The following MITF variants were observed in gnomAD, a reference collection of about 807,000 sequenced individuals.
MITF encodes the protein melanocyte inducing transcription factor.
MITF carries 17 observed loss-of-function variants against 60.5 expected under a neutral mutation model. The ratio of observed to expected loss-of-function variants is 0.28; its 90% confidence interval spans 0.19 to 0.42. The LOEUF is 0.42. Ranked by LOEUF, MITF falls within the 10% of genes least tolerant of loss-of-function variation. The probability of loss-of-function intolerance (pLI) is 1.00; values close to 1 mark genes in which losing one functional copy is unlikely to be tolerated. For missense variants in MITF, 622 were observed against 683.5 expected (o/e 0.91, Z 1.00); for synonymous variants, 260 against 248.5 (o/e 1.05, Z -0.43).
intron 2 of MITF, among the ~76,000 whole-genome samples, chr3:69,893,728 C>T (rs1037577152): frequency 2.6e-5 from 4 of 152,140 alleles, no homozygotes; most frequent in Admixed American, 1.3e-4. Flanking sequence ...TTCTTTTAAT[C>T]AATTACTGTT....
chr3:69,879,783 A>G (rs948080375), intron 2 of MITF, among the ~76,000 whole-genome samples: 3 of 152,124 alleles, frequency 2.0e-5, no homozygotes, highest in African/African-American at 7.2e-5. Context: ...TTAGTATGTA[A>G]TATTGGTTGT....
intron 1 of MITF, among the ~76,000 whole-genome samples, chr3:69,826,689 T>C (rs757363920): frequency 5.3e-5 from 8 of 152,194 alleles, no homozygotes; most frequent in Non-Finnish European, 1.0e-4. Flanking sequence ...TAATACCAGT[T>C]GTGCAGGGTT....
At chr3:69,910,878 T>C (rs954441556) in intron 2 of MITF, among the ~76,000 whole-genome samples, 1 of 151,990 alleles carries the variant, frequency 6.6e-6, no homozygotes, top group African/African-American at 2.4e-5. Context: ...GGGTTAATGC[T>C]GAAATGAGTT....
intron 2 of MITF, among the ~76,000 whole-genome samples, chr3:69,921,449 A>G (rs1488255078): frequency 1.3e-5 from 2 of 152,204 alleles, no homozygotes. Context: ...GCTTCATTCT[A>G]TATAGTTTTA....
At chr3:69,933,311 G>A (rs563961575) in intron 2 of MITF, among the ~76,000 whole-genome samples, 4 of 152,224 alleles carry the variant, frequency 2.6e-5, no homozygotes, top group Non-Finnish European at 4.4e-5. Context: ...TCTAGATAGG[G>A]ATATTTCTTC....
At chr3:69,951,154 G>A (rs556948849) in intron 6 of MITF, among the ~76,000 whole-genome samples, 2 of 146,414 alleles carry the variant, frequency 1.4e-5, no homozygotes, top group East Asian at 4.1e-4. Context: ...CTGGTGTGCA[G>A]TGGTGTGATC....
chr3:69,911,637 G>A (rs1027628200), intron 2 of MITF, among the ~76,000 whole-genome samples: 5 of 152,094 alleles, frequency 3.3e-5, no homozygotes, highest in African/African-American at 1.2e-4. Flanking sequence ...CAATGGGGTG[G>A]GAAAGAAGGC....
At chr3:69,750,497 G>A (rs1364252555) in intron 1 of MITF, among the ~76,000 whole-genome samples, 1 of 114,650 alleles carries the variant, frequency 8.7e-6, no homozygotes, top group Non-Finnish European at 1.7e-5. Context: ...TTAACTAAAT[G>A]TATTCTGATC....
intron 1 of MITF, among the ~76,000 whole-genome samples, chr3:69,802,241 C>T (rs928133474): frequency 6.6e-6 from 1 of 152,050 alleles, no homozygotes; most frequent in Non-Finnish European, 1.5e-5. Context: ...GCCAGGGGTG[C>T]TGCCGAACAT....
chr3:69,913,756 G>A (rs1259106111), intron 2 of MITF, among the ~76,000 whole-genome samples: 6 of 152,190 alleles, frequency 3.9e-5, no homozygotes, highest in Non-Finnish European at 8.8e-5. Flanking sequence ...CCTAACGAAC[G>A]TATTAATAGC....
chr3:69,773,271 T>C (rs879761464), intron 1 of MITF, among the ~76,000 whole-genome samples: 2 of 151,568 alleles, frequency 1.3e-5, no homozygotes, highest in Non-Finnish European at 2.9e-5. Flanking sequence ...TGGCAGGAGG[T>C]GGGGTCAGTG....
At chr3:69,758,587 A>G (rs572114418) in intron 1 of MITF, 237 of 191,778 alleles carry the variant, frequency 1.2e-3, no homozygotes, top group African/African-American at 5.2e-3. Flanking sequence ...TTATGTATCA[A>G]TAGCCCAATC....
intron 3 of MITF, chr3:69,938,447 C>T (rs537573976): frequency 2.5e-5 from 38 of 1,499,864 alleles, no homozygotes; most frequent in South Asian, 1.7e-4. Context: ...TTAGAAGTTC[C>T]GCTTGTTGTG....
chr3:69,751,914 TAGTG>T (rs1481190012), intron 1 of MITF: 2 of 152,194 alleles, frequency 1.3e-5, no homozygotes, highest in African/African-American at 4.8e-5. Context: ...GTTCTCATAA[TAGTG>T]AGTGAGTCCT....
chr3:69,926,288 T>C (rs1435409549), intron 2 of MITF, among the ~76,000 whole-genome samples: 2 of 152,188 alleles, frequency 1.3e-5, no homozygotes, highest in Non-Finnish European at 2.9e-5. Context: ...ATGATATAGA[T>C]CCTGAAGTTG....
At chr3:69,853,310 C>T (rs1005626642) in intron 1 of MITF, among the ~76,000 whole-genome samples, 1 of 152,022 alleles carries the variant, frequency 6.6e-6, no homozygotes, top group African/African-American at 2.4e-5. Flanking sequence ...TACCTCTGAC[C>T]CTGGTGGTAC....
chr3:69,771,557 C>T (rs1207664748), intron 1 of MITF, among the ~76,000 whole-genome samples: 1 of 152,134 alleles, frequency 6.6e-6, no homozygotes, highest in African/African-American at 2.4e-5. Context: ...GCTGCTTCAG[C>T]CATCATAGAT....
rs2107275929 is a variant in MITF at position 69,879,159 on chromosome 3, T to A, written c.130T>A (p.Ser44Thr). Reference protein sequence around the residue: ...SSSSAEHPGASKPPISSSSMT... With the variant: ...SSSSAEHPGATKPPISSSSMT... The stretch of plus-strand genomic sequence containing the variant: ...CAGTTCCGCCGAGCATCCTGGGGCC[T>A]CCAAGCCTCCGATAAGCTCCTCCAG... Residue 44 changes from serine (S) to threonine (T), a missense_variant, in exon 2 of 10, where the codon TCC becomes ACC. Physicochemically the swap from Ser to Thr is moderately conservative, Grantham distance 58. This residue lies in a region of MITF where 149 missense variants were observed against 157.8 expected (regional missense o/e 0.94). Transcript: ENST00000352241. 6.2e-7 allele frequency: 1 copy of A among 1,614,214 alleles called. No individual in the cohort carries two copies. The highest frequency in any genetic ancestry group is 8.5e-7 in the Non-Finnish European group (1 of 1,180,034).
chr3:69,887,713 G>A (rs145164342), intron 2 of MITF, among the ~76,000 whole-genome samples: 3 of 152,188 alleles, frequency 2.0e-5, no homozygotes, highest in African/African-American at 4.8e-5. Context: ...CTAGAAAAGG[G>A]TATAGGTGAA....
Sources: allele counts gnomAD v4.1 joint callset (sites outside exome capture counted in the v4.1 genomes callset), GRCh38; gene constraint gnomAD v4.1.1; regional missense constraint gnomAD v4.1.1; transcripts MANE v1.5; gene names NCBI Gene and HGNC (gene_info 2026-07-23, HGNC 2026-07-21).